IQCM: variants seen among roughly 807,000 people sequenced by gnomAD.
IQCM encodes IQ motif containing M, also known as IQ domain-containing protein M.
In IQCM, 45 loss-of-function variants were observed where a neutral mutation model predicts 57.6. That is an observed-to-expected ratio of 0.78 (90% CI 0.62 to 1.00). The LOEUF (loss-of-function observed/expected upper bound fraction) is 1.00. Ranked by LOEUF, IQCM falls within the 50% of genes least tolerant of loss-of-function variation. The pLI is 0.00. For missense variants in IQCM, 468 were observed against 511.6 expected (o/e 0.91, Z 0.82); for synonymous variants, 148 against 158.9 (o/e 0.93, Z 0.51).
intron 13 of IQCM, among the ~76,000 whole-genome samples, chr4:149,361,287 G>T (rs1327186436): frequency 2.0e-5 from 3 of 152,186 alleles, no homozygotes; most frequent in African/African-American, 7.2e-5. Context: ...TGCAGCCTGA[G>T]TATGCAATAG....
In IQCM at chr4:149,386,115, C is replaced by T. The variant is rs553285328; in HGVS notation, c.1391-34049G>A. On this transcript the variant is annotated intron_variant, in intron 13 of 13. Coordinates refer to ENST00000636793, the MANE Select transcript of IQCM (RefSeq NM_001363507.2). ...CTACATAAATGTATTGGTTAGTGCT[C>T]CATCTTGTACAAAATAAGATAAGAA... 2.0e-5 allele frequency among the ~76,000 whole-genome samples: 3 copies of T among 152,116 alleles called. No individual in the cohort carries two copies. The East Asian group carries it at 5.8e-4, about 30-fold the overall frequency.
At chr4:149,545,213 C>T (rs1219240230) in intron 12 of IQCM, among the ~76,000 whole-genome samples, 1 of 151,868 alleles carries the variant, frequency 6.6e-6, no homozygotes, top group Non-Finnish European at 1.5e-5. Context: ...AGCGGGACTA[C>T]CTCAAACTAA....
At chr4:149,624,082 T>C (rs182340903) in intron 7 of IQCM, among the ~76,000 whole-genome samples, 29 of 152,006 alleles carry the variant, frequency 1.9e-4, no homozygotes, top group Middle Eastern at 3.4e-3. Context: ...ATTTGCATAT[T>C]GAGACTTAAA....
intron 7 of IQCM, among the ~76,000 whole-genome samples, chr4:149,649,107 G>A (rs577297990): frequency 6.6e-6 from 1 of 152,078 alleles, no homozygotes; most frequent in East Asian, 1.9e-4. Flanking sequence ...ATTGTATGTG[G>A]CCACAACTTC....
At chr4:149,812,478 TCTCA>T (rs1487497830) in intron 2 of IQCM, among the ~76,000 whole-genome samples, 1 of 141,530 alleles carries the variant, frequency 7.1e-6, no homozygotes, top group Non-Finnish European at 1.5e-5. Context: ...TCTCTCTCTC[TCTCA>T]CACACACACA....
intron 9 of IQCM, among the ~76,000 whole-genome samples, chr4:149,573,122 T>C (rs1195038062): frequency 1.3e-5 from 2 of 151,878 alleles, no homozygotes; most frequent in South Asian, 4.1e-4. Context: ...AAGGTGTTGT[T>C]TTAGAAGATT....
intron 2 of IQCM, among the ~76,000 whole-genome samples, chr4:149,763,158 C>T (rs1769700119): frequency 6.6e-6 from 1 of 152,046 alleles, no homozygotes; most frequent in African/African-American, 2.4e-5. Flanking sequence ...ATCATCATCA[C>T]GGTCGTCACC....
rs551777858 is a variant in IQCM, at chr4:149,698,587, A to C, written c.386-12119T>G. Reference sequence around the variant, plus strand: ...GCAATAGTGCAAAATGTACTACAAAAACGTAACTATTTTCAGAAATCTAAA... The same window carrying C: ...GCAATAGTGCAAAATGTACTACAAACACGTAACTATTTTCAGAAATCTAAA... On this transcript the variant is annotated intron_variant, in intron 5 of 13. Transcript: ENST00000636793. Among the ~76,000 whole-genome samples the C allele has an allele frequency of 1.3e-5, 2 of 152,272 alleles. 1 individual carries two copies. The highest frequency in any genetic ancestry group is 4.1e-4 in the South Asian group (2 of 4,834).
intron 12 of IQCM, among the ~76,000 whole-genome samples, chr4:149,532,066 T>G (rs1287026097): frequency 6.6e-6 from 1 of 152,058 alleles, no homozygotes; most frequent in Non-Finnish European, 1.5e-5. Context: ...CCCTCCCAGC[T>G]TTCACTTTTG....
At chr4:149,458,124 G>A (rs1238631118) in intron 12 of IQCM, among the ~76,000 whole-genome samples, 1 of 151,856 alleles carries the variant, frequency 6.6e-6, no homozygotes, top group Non-Finnish European at 1.5e-5. Context: ...ACCCCTTCAG[G>A]AAAACAAATA....
intron 5 of IQCM, among the ~76,000 whole-genome samples, chr4:149,710,551 T>G (rs1764482039): frequency 6.6e-6 from 1 of 152,042 alleles, no homozygotes; most frequent in Non-Finnish European, 1.5e-5. Context: ...CCATCTGTGC[T>G]CCCATTAATA....
rs1766848789 is a variant in IQCM, at chr4:149,735,464, A to G, written c.38-6T>C. ...GGTGATCTCTAATGTAGGACCTAAT[A>G]TACAAACAGAGAAACATTTTTTAAG... is the stretch of plus-strand genomic sequence containing the variant. On this transcript the variant is annotated splice_region_variant and splice_polypyrimidine_tract_variant and intron_variant, in intron 3 of 13. Transcript: ENST00000636793. The G allele has an allele frequency of 8.6e-7, 1 of 1,164,286 alleles. No individual in the cohort carries two copies. The highest frequency in any genetic ancestry group is 3.2e-5 in the East Asian group (1 of 31,236). The allele number at this position is 1,164,286 out of a possible 1,614,324, so 72.1% of individuals were successfully genotyped here. A position where few individuals can be genotyped will look rare whatever the true frequency, so the allele number is the denominator to read the frequency against.
chr4:149,791,301 G>A (rs1174717018), intron 2 of IQCM, among the ~76,000 whole-genome samples: 1 of 151,926 alleles, frequency 6.6e-6, no homozygotes, highest in Non-Finnish European at 1.5e-5. Context: ...TATTATAGAT[G>A]CATAATAGTT....
At chr4:149,395,231 C>G (rs1240591250) in intron 13 of IQCM, among the ~76,000 whole-genome samples, 2 of 152,000 alleles carry the variant, frequency 1.3e-5, no homozygotes, top group Non-Finnish European at 2.9e-5. Context: ...GAAGAAAATC[C>G]TATTTTCGTT....
chr4:149,721,058 G>A (rs140602021), intron 5 of IQCM, among the ~76,000 whole-genome samples: 56 of 152,034 alleles, frequency 3.7e-4, no homozygotes, highest in Non-Finnish European at 6.0e-4. Context: ...ATGTATAATC[G>A]GTCATCTGTT....
intron 13 of IQCM, among the ~76,000 whole-genome samples, chr4:149,407,194 G>A (rs1474986095): frequency 6.6e-6 from 1 of 152,080 alleles, no homozygotes; most frequent in Non-Finnish European, 1.5e-5. Context: ...CAGCTCTTGG[G>A]AATTATGGAG....
intron 12 of IQCM, among the ~76,000 whole-genome samples, chr4:149,534,018 T>C (rs1437317137): frequency 6.6e-6 from 1 of 151,972 alleles, no homozygotes; most frequent in Non-Finnish European, 1.5e-5. Context: ...AGGGAAATTC[T>C]ACTGCTTTAT....
At chr4:149,648,999 C>T (rs770011906) in intron 7 of IQCM, among the ~76,000 whole-genome samples, 2 of 152,116 alleles carry the variant, frequency 1.3e-5, no homozygotes, top group African/African-American at 2.4e-5. Flanking sequence ...GCCAGCATCT[C>T]GGGCATTGCC....
chr4:149,640,210 G>T (rs556866661), intron 7 of IQCM, among the ~76,000 whole-genome samples: 1 of 152,070 alleles, frequency 6.6e-6, no homozygotes, highest in African/African-American at 2.4e-5. Flanking sequence ...AGATATTTTG[G>T]TATAGGCATG....
Sources: gnomAD v4.1 joint callset for allele counts (sites outside exome capture counted in the v4.1 genomes callset) on GRCh38, gnomAD v4.1.1 for gene constraint, MANE v1.5 for transcripts, NCBI Gene and HGNC (gene_info 2026-07-23, HGNC 2026-07-21) for gene names.